The following ZNF845 variants were observed in gnomAD, a reference collection of about 807,000 sequenced individuals.
ZNF845 encodes the protein zinc finger protein 845.
In ZNF845, 59 loss-of-function variants were observed where a neutral mutation model predicts 76.1. That is an observed-to-expected ratio of 0.78 (90% confidence interval 0.63 to 0.96). The LOEUF is 0.96. Ranked by LOEUF, ZNF845 falls within the 40% of genes least tolerant of loss-of-function variation. The probability of loss-of-function intolerance (pLI) is 0.00; values close to 1 mark genes in which losing one functional copy is unlikely to be tolerated. For missense variants in ZNF845, 1,045 were observed against 1,172.8 expected, an observed-to-expected ratio of 0.89 and a Z score of 1.59; for synonymous variants, 361 against 386.9, an observed-to-expected ratio of 0.93 and a Z score of 0.78.
intron 1 of ZNF845, among the ~76,000 whole-genome samples, chr19:53,336,876 C>CT (rs1394954316): frequency 6.6e-6 from 1 of 152,094 alleles, no homozygotes; most frequent in Non-Finnish European, 1.5e-5. Flanking sequence ...GCTTTCTAGT[C>CT]TTTATTATTT....
chr19:53,355,786 G>A lies in ZNF845; in HGVS notation c.*2198G>A, dbSNP rs1025254971. The A allele has an allele frequency of 3.3e-5, 5 of 152,050 alleles. No homozygotes were observed. Among genetic ancestry groups the A allele is most frequent in the Non-Finnish European group, 7.4e-5 (5 of 68,006 alleles). 9.4% of individuals were successfully genotyped at this position (152,050 alleles called of 1,614,324 possible). On this transcript the variant is annotated 3_prime_UTR_variant, in exon 4 of 4. Transcript: ENST00000458035. ...GTTATTTCAGCTGTGGTCATTTCAT[G>A]GATGATTTTTATATTTTTGAGGTAA...
At chr19:53,346,385 G>C (rs755696149) in intron 3 of ZNF845, 1 of 426,314 alleles carries the variant, frequency 2.3e-6, no homozygotes, top group Non-Finnish European at 4.7e-6. Flanking sequence ...CTTCGCTCTC[G>C]TGCTCAAAAA....
rs528772561 is a variant in ZNF845, at chr19:53,353,555, T to C, written c.2880T>C (p.Arg960=). The C allele has an allele frequency of 6.2e-7, 1 of 1,607,226 alleles. No individual in the cohort carries two copies. Among genetic ancestry groups the C allele is most frequent in the Non-Finnish European group, 8.5e-7 (1 of 1,176,340 alleles). Residue 960 remains arginine (R), a synonymous_variant, in exon 4 of 4, where the codon CGT becomes CGC. Transcript: ENST00000458035. ...KVFNRKAKLA[R]HHRIHTGKKH is the part of the protein sequence containing the mutation. ...TTAATCGAAAAGCAAAACTTGCACG[T>C]CATCATAGAATTCATACTGGAAAGA...
At chr19:53,345,408 T>C in intron 2 of ZNF845, 98 bp from the exon 3 acceptor site, 1 of 1,600,912 alleles carries the variant, frequency 6.2e-7, no homozygotes, top group Non-Finnish European at 8.5e-7. Context: ...GAACATTCAC[T>C]ACAATTAAAT....
rs2085356681 is a variant in ZNF845, at chr19:53,353,183, T to C, written c.2508T>C (p.Cys836=). 7 of 1,613,152 alleles carry C rather than the reference T, an allele frequency of 4.3e-6. No homozygotes were observed. The highest frequency in any genetic ancestry group is 5.9e-6 in the Non-Finnish European group (7 of 1,179,306). ...AGAAACCTTACAAGTGTAATGAGTG[T>C]GGCAAGACCTTCCGTCACAATTCAG... ...SGEKPYKCNE[C]GKTFRHNSAL... is the part of the protein sequence containing the mutation. Residue 836 remains cysteine, a synonymous_variant, in exon 4 of 4, where the codon TGT becomes TGC. Coordinates refer to ENST00000458035, the MANE Select transcript of ZNF845 (RefSeq NM_138374.3).
At chr19:53,341,980 G>A (rs933627025) in intron 2 of ZNF845, among the ~76,000 whole-genome samples, 2 of 152,100 alleles carry the variant, frequency 1.3e-5, no homozygotes, top group South Asian at 4.1e-4. Flanking sequence ...GGTTACTGCG[G>A]AGAGGCTTGT....
In ZNF845 at chr19:53,353,282, T is replaced by C. The variant is rs781429862; in HGVS notation, c.2607T>C (p.Asn869=). ...YKCSECGKVF[N]RKANLSRHHR... ...GTAGTGAATGTGGCAAGGTTTTTAA[T>C]AGAAAAGCAAACCTTTCACGTCATC... The change falls in exon 4 of 4, where the codon AAT becomes AAC. Residue 869 remains asparagine (N), a synonymous_variant. Transcript: ENST00000458035. The C allele has an allele frequency of 6.2e-7, 1 of 1,613,796 alleles. No homozygotes were observed. The highest frequency in any genetic ancestry group is 8.5e-7 in the Non-Finnish European group (1 of 1,179,816).
intron 2 of ZNF845, 149 bp downstream of exon 2, chr19:53,341,471 G>A (rs563136237): frequency 7.0e-6 from 9 of 1,280,750 alleles, no homozygotes; most frequent in African/African-American, 4.4e-5. Flanking sequence ...CTCTCATCTC[G>A]CTTAGATTCC....
At chr19:53,338,239 C>A (rs2085229755) in intron 1 of ZNF845, among the ~76,000 whole-genome samples, 1 of 152,084 alleles carries the variant, frequency 6.6e-6, no homozygotes. Context: ...TTATTTCAGT[C>A]AAAATAAAAG....
chr19:53,345,498 C>T lies in ZNF845; in HGVS notation c.16-8C>T, dbSNP rs933388302. 1.9e-6 allele frequency: 3 copies of T among 1,613,500 alleles called. No homozygotes were observed. The highest frequency in any genetic ancestry group is 2.2e-5 in the East Asian group (1 of 44,854). On this transcript the variant is annotated splice_region_variant and splice_polypyrimidine_tract_variant and intron_variant, in intron 2 of 3. Transcript: ENST00000458035. ...TAACCATTTCCTTAAAATGTGTTTTCATTTCAGGGTCTATTGACATTCAGG... is the reference window on the plus strand; with the variant it reads ...TAACCATTTCCTTAAAATGTGTTTTTATTTCAGGGTCTATTGACATTCAGG...
At chr19:53,343,067 C>T (rs2085268098) in intron 2 of ZNF845, among the ~76,000 whole-genome samples, 1 of 152,132 alleles carries the variant, frequency 6.6e-6, no homozygotes, top group Non-Finnish European at 1.5e-5. Flanking sequence ...TATCCACCCA[C>T]CTTGGCCTCC....
intron 3 of ZNF845, 56 bp downstream of exon 3, chr19:53,345,688 T>A: frequency 6.2e-7 from 1 of 1,603,114 alleles, no homozygotes; most frequent in Non-Finnish European, 8.5e-7. Flanking sequence ...CTTTGTATTT[T>A]CTCTTTTTTT....
At chr19:53,346,186 G>A (rs1021742836) in intron 3 of ZNF845, 1 of 243,294 alleles carries the variant, frequency 4.1e-6, no homozygotes, top group Non-Finnish European at 8.4e-6. Flanking sequence ...TTGTGTTTCT[G>A]TTTCATGTTA....
chr19:53,334,181 G>A (rs765028763), intron 1 of ZNF845, among the ~76,000 whole-genome samples: 2 of 152,068 alleles, frequency 1.3e-5, no homozygotes, highest in African/African-American at 4.8e-5. Flanking sequence ...AGGCCCTTAT[G>A]CTCCCCAGGT....
intron 1 of ZNF845, among the ~76,000 whole-genome samples, chr19:53,337,715 C>T (rs1420703465): frequency 6.6e-6 from 1 of 152,040 alleles, no homozygotes; most frequent in Non-Finnish European, 1.5e-5. Context: ...ATTACAGAGT[C>T]GCACCAAGCC....
At chr19:53,349,554 C>G (rs1006814930) in intron 3 of ZNF845, among the ~76,000 whole-genome samples, 1 of 152,096 alleles carries the variant, frequency 6.6e-6, no homozygotes, top group South Asian at 2.1e-4. Context: ...AGGCGTGAAC[C>G]ACTGTGCCCG....
chr19:53,344,158 T>C (rs1437391159), intron 2 of ZNF845, among the ~76,000 whole-genome samples: 2 of 152,164 alleles, frequency 1.3e-5, no homozygotes, highest in African/African-American at 4.8e-5. Flanking sequence ...TTTCTGATCC[T>C]GATCTTTCAC....
chr19:53,347,655 A>C (rs1322678349), intron 3 of ZNF845, among the ~76,000 whole-genome samples: 1 of 152,218 alleles, frequency 6.6e-6, no homozygotes. Context: ...GCAATAGTAC[A>C]GTCTCTAAAC....
At chr19:53,336,627 T>C (rs1030286263) in intron 1 of ZNF845, among the ~76,000 whole-genome samples, 1 of 132,620 alleles carries the variant, frequency 7.5e-6, no homozygotes, top group African/African-American at 2.9e-5. Context: ...CTTCCTTTCT[T>C]TCTTTCTTTT....
Sources: gnomAD v4.1 joint callset for allele counts (sites outside exome capture counted in the v4.1 genomes callset) on GRCh38, gnomAD v4.1.1 for gene constraint, MANE v1.5 for transcripts, NCBI Gene and HGNC (gene_info 2026-07-23, HGNC 2026-07-21) for gene names.